The following ITGA1 variants were observed in gnomAD, a reference collection of about 807,000 sequenced individuals.
ITGA1 encodes the protein integrin subunit alpha 1.
A neutral mutation model predicts 145.9 loss-of-function variants in ITGA1; 85 were observed. The ratio of observed to expected loss-of-function variants is 0.58; its 90% CI spans 0.49 to 0.70. ITGA1 has a LOEUF of 0.70. Among genes scored for constraint, ITGA1 ranks in the 30% least tolerant of loss-of-function variants. The pLI, the probability that ITGA1 is intolerant of heterozygous loss-of-function variation, is 0.00. For missense variants in ITGA1, 1,351 were observed against 1,418.7 expected (o/e 0.95, Z 0.77); for synonymous variants, 520 against 495.3 (o/e 1.05, Z -0.66).
At chr5:52,801,413 A>C in intron 1 of ITGA1, 2 of 1,610,702 alleles carry the variant, frequency 1.2e-6, no homozygotes, top group South Asian at 1.1e-5. Context: ...TTCTAGGTAC[A>C]TGCCTCCTCC....
chr5:52,921,666 A>C (rs993179886), intron 17 of ITGA1, among the ~76,000 whole-genome samples: 1 of 152,198 alleles, frequency 6.6e-6, no homozygotes, highest in Admixed American at 6.5e-5. Context: ...ATGTCCAGGT[A>C]CTGGTGTTTA....
chr5:52,922,748 A>G lies in ITGA1; in HGVS notation c.2293-29A>G, dbSNP rs1416371549. 10 of 1,335,964 alleles carry G rather than the reference A, an allele frequency of 7.5e-6. No individual in the cohort carries two copies. The Admixed American group carries it at 1.2e-4, about 16-fold the overall frequency. The allele number at this position is 1,335,964 out of a possible 1,614,324, so 82.8% of individuals were successfully genotyped here. ...CAGAACACCCGGTAAATATGATACC[A>G]GTGATATATTTTATGTTTCACCCTC... On this transcript the variant is annotated intron_variant, in intron 17 of 28. Transcript: ENST00000282588.
rs1244135378 is a variant in ITGA1 at position 52,800,496 on chromosome 5, G to C, written c.61+12082G>C. On this transcript the variant is annotated intron_variant, in intron 1 of 28. Transcript: ENST00000282588. Reference sequence around the variant, plus strand: ...TGTGGCACACTTACAACCTCGTGCAGGTGGGCGACAGCCTGCGCGCCTCCA... The same window carrying C: ...TGTGGCACACTTACAACCTCGTGCACGTGGGCGACAGCCTGCGCGCCTCCA... 3.1e-6 allele frequency: 5 copies of C among 1,614,122 alleles called. No individual in the cohort carries two copies. The Admixed American group carries it at 8.3e-5, about 27-fold the overall frequency.
intron 26 of ITGA1, among the ~76,000 whole-genome samples, chr5:52,941,912 CTTATA>C (rs1751059112): frequency 6.6e-6 from 1 of 151,990 alleles, no homozygotes; most frequent in South Asian, 2.1e-4. Context: ...AGTTAAAGGT[CTTATA>C]TTTAAATCTT....
chr5:52,928,903 TG>T (rs1447997760), intron 20 of ITGA1, among the ~76,000 whole-genome samples: 1 of 152,190 alleles, frequency 6.6e-6, no homozygotes, highest in Non-Finnish European at 1.5e-5. Flanking sequence ...ATTGGGGATT[TG>T]GTGATTATCT....
chr5:52,906,450 A>ACCC lies in ITGA1; in HGVS notation c.1455+542_1455+543insCCC, dbSNP rs551159868. On this transcript the variant is annotated intron_variant, in intron 12 of 28. Transcript: ENST00000282588. The stretch of plus-strand genomic sequence containing the variant: ...TAATATTTAAAATTGAAAAATTCTT[A>ACCC]TTAGGTAGTATTGAATATTAAAAGA... 4.3e-3 allele frequency among the ~76,000 whole-genome samples: 656 copies of ACCC among 152,302 alleles called. 3 individuals carry two copies. The highest frequency in any genetic ancestry group is 7.7e-3 in the Non-Finnish European group (522 of 68,012).
At chr5:52,879,590 A>G (rs1343465734) in intron 6 of ITGA1, among the ~76,000 whole-genome samples, 1 of 152,232 alleles carries the variant, frequency 6.6e-6, no homozygotes, top group African/African-American at 2.4e-5. Context: ...AAATTTATGC[A>G]GAGGGTAATA....
chr5:52,892,821 G>A (rs1750171337), intron 8 of ITGA1, among the ~76,000 whole-genome samples: 1 of 152,018 alleles, frequency 6.6e-6, no homozygotes, highest in South Asian at 2.1e-4. Context: ...ATCGGTGGTT[G>A]CCAGGGTTGA....
intron 1 of ITGA1, among the ~76,000 whole-genome samples, chr5:52,826,067 A>G (rs1281664890): frequency 6.6e-6 from 1 of 152,244 alleles, no homozygotes; most frequent in Non-Finnish European, 1.5e-5. Flanking sequence ...TTGAAAGCCA[A>G]GATAGGCCAA....
chr5:52,924,045 AGT>A (rs1256341205), intron 18 of ITGA1, among the ~76,000 whole-genome samples: 1 of 152,088 alleles, frequency 6.6e-6, no homozygotes, highest in African/African-American at 2.4e-5. Flanking sequence ...CACCCCTGAG[AGT>A]GGAGTGAGGG....
At chr5:52,875,578 A>T (rs2111794345) in intron 6 of ITGA1, among the ~76,000 whole-genome samples, 2 of 152,250 alleles carry the variant, frequency 1.3e-5, no homozygotes, top group Middle Eastern at 6.8e-3. Flanking sequence ...TCTGAAAAGG[A>T]ATTTTCCTTC....
chr5:52,800,412 G>T (rs1748444302), intron 1 of ITGA1: 3 of 1,614,006 alleles, frequency 1.9e-6, no homozygotes, highest in South Asian at 1.1e-5. Context: ...TCGTGAGGAA[G>T]AACATCGAGA....
rs375996753 is a variant in ITGA1 at position 52,892,151 on chromosome 5, C to T, written c.925-1524C>T. Among the ~76,000 whole-genome samples, 13 of 152,210 alleles carry T rather than the reference C, an allele frequency of 8.5e-5. No homozygotes were observed. The Middle Eastern group carries it at 0.01, about 119-fold the overall frequency. ...CACATTTAAGGGAAAATAAACATCTCGTTTTCTTTTAATGGGAAAAAGATT... is the reference window on the plus strand; with the variant it reads ...CACATTTAAGGGAAAATAAACATCTTGTTTTCTTTTAATGGGAAAAAGATT... On this transcript the variant is annotated intron_variant, in intron 8 of 28. Transcript: ENST00000282588.
At chr5:52,848,857 T>G (rs936328600) in intron 1 of ITGA1, among the ~76,000 whole-genome samples, 8 of 152,102 alleles carry the variant, frequency 5.3e-5, no homozygotes, top group Admixed American at 6.6e-5. Flanking sequence ...GATAGTTTGC[T>G]GAGAACGATG....
chr5:52,834,966 A>G (rs1387051010), intron 1 of ITGA1, among the ~76,000 whole-genome samples: 1 of 152,178 alleles, frequency 6.6e-6, no homozygotes, highest in Non-Finnish European at 1.5e-5. Flanking sequence ...GACAAAGAAG[A>G]AAGGTAGAAG....
chr5:52,952,239 T>A (rs558992055), intron 28 of ITGA1, among the ~76,000 whole-genome samples, 168 bp from the exon 29 acceptor site: 4 of 152,128 alleles, frequency 2.6e-5, no homozygotes, highest in African/African-American at 9.6e-5. Context: ...TAAATGTCAT[T>A]TTTTGACATT....
chr5:52,800,075 G>C, intron 1 of ITGA1: 2 of 334,574 alleles, frequency 6.0e-6, no homozygotes, highest in Non-Finnish European at 1.1e-5. Context: ...GTCGCGGGAC[G>C]GGGGCTGCGC....
Position 52,861,660 on chromosome 5 carries a change from C to G in ITGA1, c.295+101C>G, listed in dbSNP as rs1749606478. 5 of 720,572 alleles carry G rather than the reference C, an allele frequency of 6.9e-6. No homozygotes were observed. The East Asian group carries it at 1.0e-4, about 14-fold the overall frequency. The allele number at this position is 720,572 out of a possible 1,614,324, so 44.6% of individuals were successfully genotyped here. A position where few individuals can be genotyped will look rare whatever the true frequency, so the allele number is the denominator to read the frequency against. On this transcript the variant is annotated intron_variant, in intron 3 of 28. Transcript: ENST00000282588. ...TCAAGACAGGCATATCGTTTGAGCC[C>G]AGGAGTTTGAGACCAGCCTGGGCAA...
At chr5:52,860,333 G>T (rs1281065399) in intron 2 of ITGA1, among the ~76,000 whole-genome samples, 2 of 152,252 alleles carry the variant, frequency 1.3e-5, no homozygotes, top group Non-Finnish European at 2.9e-5. Context: ...GGATCACGTG[G>T]TCAAGAGACC....
Sources: allele counts gnomAD v4.1 joint callset (sites outside exome capture counted in the v4.1 genomes callset), GRCh38; gene constraint gnomAD v4.1.1; transcripts MANE v1.5; gene names NCBI Gene and HGNC (gene_info 2026-07-23, HGNC 2026-07-21).